RAD54L2: variants seen among roughly 807,000 people sequenced by gnomAD.
RAD54L2 encodes the protein helicase ARIP4.
In RAD54L2, 27 loss-of-function variants were observed where a neutral mutation model predicts 138.4. The observed-to-expected ratio is 0.20, with a 90% CI of 0.14 to 0.27. The LOEUF is 0.27. Among genes scored for constraint, RAD54L2 ranks in the 10% least tolerant of loss-of-function variants. RAD54L2 has a pLI of 1.00. For missense variants in RAD54L2, 1,396 were observed against 1,890.2 expected (o/e 0.74, Z 4.85); for synonymous variants, 644 against 723.2 (o/e 0.89, Z 1.76).
At chr3:51,658,257 T>G (rs1701660188) in intron 21 of RAD54L2, among the ~76,000 whole-genome samples, 1 of 152,080 alleles carries the variant, frequency 6.6e-6, no homozygotes, top group Non-Finnish European at 1.5e-5. Context: ...ATGAGAATCT[T>G]GGGATGGGAC....
intron 2 of RAD54L2, among the ~76,000 whole-genome samples, chr3:51,555,594 G>A (rs980895337): frequency 6.6e-6 from 1 of 152,172 alleles, no homozygotes; most frequent in Admixed American, 6.5e-5. Flanking sequence ...GGAGGCGGAG[G>A]TTGCAATGAG....
At chr3:51,549,871 A>G (rs140128793) in intron 2 of RAD54L2, among the ~76,000 whole-genome samples, 1 of 150,436 alleles carries the variant, frequency 6.6e-6, no homozygotes, top group African/African-American at 2.5e-5. Context: ...CACTGTCTCC[A>G]CACCCTATCT....
chr3:51,639,195 C>T lies in RAD54L2; in HGVS notation c.1861-224C>T. On this transcript the variant is annotated intron_variant, in intron 12 of 22. Transcript: ENST00000684192. ...GTATCAAACATACTTACTGGCATGG[C>T]TCCTGGTATGCATGCTGCCATTCAT... 8 of 561,150 alleles carry T rather than the reference C, an allele frequency of 1.4e-5. No homozygotes were observed. The South Asian group carries it at 1.7e-4, about 12-fold the overall frequency. The allele number at this position is 561,150 out of a possible 1,614,324, so 34.8% of individuals were successfully genotyped here.
At chr3:51,576,744 T>G (rs1275617051) in intron 2 of RAD54L2, among the ~76,000 whole-genome samples, 1 of 152,186 alleles carries the variant, frequency 6.6e-6, no homozygotes, top group Non-Finnish European at 1.5e-5. Flanking sequence ...TCTTTTCTTC[T>G]TTATTATTCT....
intron 2 of RAD54L2, among the ~76,000 whole-genome samples, chr3:51,561,566 CT>C (rs1331227331): frequency 1.9e-3 from 273 of 143,560 alleles, no homozygotes; most frequent in Middle Eastern, 3.6e-3. Flanking sequence ...TTATCTTTTT[CT>C]TTTTTTTTTT....
At chr3:51,566,646 A>G (rs1292528977) in intron 2 of RAD54L2, among the ~76,000 whole-genome samples, 1 of 151,064 alleles carries the variant, frequency 6.6e-6, no homozygotes, top group Non-Finnish European at 1.5e-5. Flanking sequence ...AGAGATAGTT[A>G]TGTCTGTTGA....
intron 1 of RAD54L2, chr3:51,541,265 T>C (rs1698541021): frequency 6.6e-6 from 1 of 152,160 alleles, no homozygotes; most frequent in Non-Finnish European, 1.5e-5. Flanking sequence ...AGTAAAGACA[T>C]TGAATAAAGT....
chr3:51,562,078 C>T (rs1015070412), intron 2 of RAD54L2, among the ~76,000 whole-genome samples: 1 of 150,908 alleles, frequency 6.6e-6, no homozygotes, highest in Middle Eastern at 3.5e-3. Context: ...CTCTGTCGCC[C>T]AGGCTGGAGT....
chr3:51,631,948 T>A (rs1353830730), intron 7 of RAD54L2, among the ~76,000 whole-genome samples: 3 of 152,160 alleles, frequency 2.0e-5, no homozygotes. Context: ...TAACTGTATT[T>A]TTGTACCCAT....
intron 19 of RAD54L2, among the ~76,000 whole-genome samples, chr3:51,651,940 A>T (rs1350583048): frequency 6.6e-6 from 1 of 152,220 alleles, no homozygotes; most frequent in Non-Finnish European, 1.5e-5. Context: ...TGGCCAGGGC[A>T]ATCAGGCCAG....
At chr3:51,604,494 G>T (rs1700138804) in intron 3 of RAD54L2, among the ~76,000 whole-genome samples, 1 of 152,194 alleles carries the variant, frequency 6.6e-6, no homozygotes, top group Non-Finnish European at 1.5e-5. Context: ...AAGTAGTGCA[G>T]TGTGGTGGCT....
chr3:51,607,572 CG>C (rs1236706472), intron 3 of RAD54L2, among the ~76,000 whole-genome samples: 1 of 152,210 alleles, frequency 6.6e-6, no homozygotes, highest in Non-Finnish European at 1.5e-5. Flanking sequence ...CTTTTCTATT[CG>C]ACAAAACCGC....
At chr3:51,539,005 T>C (rs577792319) in intron 1 of RAD54L2, among the ~76,000 whole-genome samples, 90 bp downstream of exon 1, 53 of 152,212 alleles carry the variant, frequency 3.5e-4, no homozygotes, top group Non-Finnish European at 7.1e-4. Context: ...CCTGGGCCCC[T>C]GCCATGCAGT....
At chr3:51,565,110 T>C (rs1699184432) in intron 2 of RAD54L2, among the ~76,000 whole-genome samples, 1 of 152,184 alleles carries the variant, frequency 6.6e-6, no homozygotes, top group Non-Finnish European at 1.5e-5. Flanking sequence ...GAAGCCTGCA[T>C]GAGTTGCTAG....
intron 3 of RAD54L2, among the ~76,000 whole-genome samples, chr3:51,623,972 C>A (rs1344083981): frequency 8.9e-6 from 1 of 112,050 alleles, no homozygotes; most frequent in African/African-American, 3.6e-5. Flanking sequence ...CAGCGAGACT[C>A]CGTCTCACAA....
chr3:51,608,713 G>A (rs1181662711), intron 3 of RAD54L2, among the ~76,000 whole-genome samples: 1 of 152,180 alleles, frequency 6.6e-6, no homozygotes, highest in African/African-American at 2.4e-5. Context: ...GCAATCCCAG[G>A]CACTCGGCAG....
intron 2 of RAD54L2, among the ~76,000 whole-genome samples, chr3:51,561,337 CTGGGTTCAAG>C (rs1258136467): frequency 6.6e-6 from 1 of 152,140 alleles, no homozygotes; most frequent in Non-Finnish European, 1.5e-5. Flanking sequence ...CCTCCACCTC[CTGGGTTCAAG>C]TGATTCTCCT....
At chr3:51,621,433 C>T (rs934725450) in intron 3 of RAD54L2, among the ~76,000 whole-genome samples, 1 of 152,182 alleles carries the variant, frequency 6.6e-6, no homozygotes, top group African/African-American at 2.4e-5. Context: ...GACAGGAGTT[C>T]ACAGTGGGCC....
At chr3:51,618,082 C>T (rs1055021178) in intron 3 of RAD54L2, among the ~76,000 whole-genome samples, 9 of 151,570 alleles carry the variant, frequency 5.9e-5, no homozygotes, top group African/African-American at 1.2e-4. Context: ...CCTCATCCTC[C>T]GGAGTAGCTG....
Sources: gnomAD v4.1 joint callset for allele counts (sites outside exome capture counted in the v4.1 genomes callset) on GRCh38, gnomAD v4.1.1 for gene constraint, MANE v1.5 for transcripts, NCBI Gene and HGNC (gene_info 2026-07-23, HGNC 2026-07-21) for gene names.